CADM2: variants seen among roughly 807,000 people sequenced by gnomAD.
CADM2 encodes cell adhesion molecule 2.
In CADM2, 12 loss-of-function variants were observed where a neutral mutation model predicts 49.8. The ratio of observed to expected loss-of-function variants is 0.24; its 90% CI spans 0.15 to 0.39. The LOEUF (loss-of-function observed/expected upper bound fraction) is 0.39, where lower values mean the gene tolerates loss of function less well. Ranked by LOEUF, CADM2 falls within the 10% of genes least tolerant of loss-of-function variation. The pLI is 1.00. For synonymous variants in CADM2, 214 were observed against 175.4 expected (o/e 1.22, Z -1.74); for missense variants, 378 against 492.3 (o/e 0.77, Z 2.20).
chr3:85,650,286 ATGT>A (rs1341124301), intron 1 of CADM2, among the ~76,000 whole-genome samples: 1 of 152,172 alleles, frequency 6.6e-6, no homozygotes. Context: ...TTTGTGACAA[ATGT>A]TGTGAGTAGA....
intron 1 of CADM2, among the ~76,000 whole-genome samples, chr3:85,010,587 C>A (rs2033938676): frequency 6.6e-6 from 1 of 152,042 alleles, no homozygotes; most frequent in South Asian, 2.1e-4. Flanking sequence ...CATTAAGTTT[C>A]CCTTTAAGAT....
At chr3:85,680,713 A>T (rs1016949690) in intron 1 of CADM2, among the ~76,000 whole-genome samples, 17 of 152,214 alleles carry the variant, frequency 1.1e-4, no homozygotes, top group Admixed American at 5.9e-4. Flanking sequence ...GAATTCAAAA[A>T]TATCTCTCTA....
intron 5 of CADM2, among the ~76,000 whole-genome samples, chr3:85,889,713 A>G (rs1280085515): frequency 3.3e-5 from 5 of 152,136 alleles, no homozygotes; most frequent in Non-Finnish European, 1.5e-5. Flanking sequence ...TATTATTATC[A>G]TTATCATTGT....
chr3:85,975,190 T>A (rs1281508884), intron 8 of CADM2, among the ~76,000 whole-genome samples: 1 of 151,466 alleles, frequency 6.6e-6, no homozygotes, highest in Non-Finnish European at 1.5e-5. Flanking sequence ...TCAATTTATT[T>A]TAGTGAGTAT....
chr3:85,294,637 A>G (rs1400143415), intron 1 of CADM2, among the ~76,000 whole-genome samples: 10 of 151,902 alleles, frequency 6.6e-5, no homozygotes, highest in South Asian at 4.2e-4. Flanking sequence ...ATAACGCTGC[A>G]TATCTACAAC....
At chr3:85,530,893 CACACACACACACACACACACAA>C in intron 1 of CADM2, among the ~76,000 whole-genome samples, 1 of 150,016 alleles carries the variant, frequency 6.7e-6, no homozygotes, top group African/African-American at 2.5e-5. Flanking sequence ...CACACACACA[CACACACACACACACACACACAA>C]AATTCATTAT....
At position 85,866,889 on chromosome 3, in the gene CADM2, T is replaced by C. The variant is rs576735995; in HGVS notation, c.239-16402T>C. On this transcript the variant is annotated intron_variant, in intron 3 of 9. Transcript: ENST00000383699. The stretch of plus-strand genomic sequence containing the variant: ...ACACACATGCACAAACGTGCATTCA[T>C]GCTATACAGATAGTATATTAAGAAG... Among the ~76,000 whole-genome samples, 19 of 152,160 alleles carry C rather than the reference T, an allele frequency of 1.2e-4. 1 individual carries two copies. Among genetic ancestry groups the C allele is most frequent in the Middle Eastern group, 6.8e-3 (2 of 294 alleles).
chr3:85,156,912 G>A (rs997440047), intron 1 of CADM2, among the ~76,000 whole-genome samples: 1 of 152,130 alleles, frequency 6.6e-6, no homozygotes, highest in African/African-American at 2.4e-5. Flanking sequence ...CCTGTTTGCA[G>A]ACGACATGAT....
chr3:85,329,392 G>C (rs201315101), intron 1 of CADM2, among the ~76,000 whole-genome samples: 7 of 146,156 alleles, frequency 4.8e-5, no homozygotes, highest in African/African-American at 7.5e-5. Flanking sequence ...CACACACACA[G>C]ACACACACAC....
chr3:85,130,326 T>G (rs2039182038), intron 1 of CADM2, among the ~76,000 whole-genome samples: 1 of 152,228 alleles, frequency 6.6e-6, no homozygotes, highest in South Asian at 2.1e-4. Context: ...TAAATGGCAT[T>G]ATTTTATCCA....
intron 3 of CADM2, among the ~76,000 whole-genome samples, chr3:85,810,519 C>T (rs921421842): frequency 1.4e-5 from 2 of 145,712 alleles, no homozygotes; most frequent in African/African-American, 5.1e-5. Flanking sequence ...AAAGTATATG[C>T]TCATAGAATT....
chr3:85,025,802 T>A (rs2034697185), intron 1 of CADM2, among the ~76,000 whole-genome samples: 1 of 151,884 alleles, frequency 6.6e-6, no homozygotes, highest in Non-Finnish European at 1.5e-5. Context: ...ATGTTTTCGC[T>A]ATATCATGTT....
intron 1 of CADM2, among the ~76,000 whole-genome samples, chr3:85,657,333 T>C (rs1020301995): frequency 1.3e-5 from 2 of 152,152 alleles, no homozygotes; most frequent in African/African-American, 4.8e-5. Context: ...AGAGAAATTC[T>C]AAGGATTAAA....
chr3:85,223,522 AT>A (rs1238675092), intron 1 of CADM2, among the ~76,000 whole-genome samples: 1 of 152,182 alleles, frequency 6.6e-6, no homozygotes, highest in Non-Finnish European at 1.5e-5. Context: ...GGAGTAGGAC[AT>A]TACAATGGGG....
At chr3:85,447,588 AGCACACGTTGTGGCTACAAAAAATTGCCT>A (rs1177370154) in intron 1 of CADM2, among the ~76,000 whole-genome samples, 1 of 152,190 alleles carries the variant, frequency 6.6e-6, no homozygotes, top group African/African-American at 2.4e-5. Flanking sequence ...TTCTATCTAC[AGCACACGTTGTGGCTACAAAAAATTGCCT>A]AAGCATTTAC....
intron 1 of CADM2, among the ~76,000 whole-genome samples, chr3:85,207,256 G>T (rs2041668928): frequency 1.3e-5 from 2 of 152,034 alleles, no homozygotes; most frequent in African/African-American, 4.8e-5. Context: ...CAAAGATATT[G>T]ATCTAAGCTG....
chr3:85,564,932 G>A (rs776290568), intron 1 of CADM2, among the ~76,000 whole-genome samples: 2 of 152,044 alleles, frequency 1.3e-5, no homozygotes, highest in Non-Finnish European at 2.9e-5. Context: ...AAAAACTTCA[G>A]CATTTTATAA....
intron 1 of CADM2, among the ~76,000 whole-genome samples, chr3:85,078,728 G>A (rs982530126): frequency 6.6e-6 from 1 of 151,044 alleles, no homozygotes; most frequent in Non-Finnish European, 1.5e-5. Context: ...AATCTATTAG[G>A]GGAAAATATA....
chr3:85,615,327 A>G (rs1429195083), intron 1 of CADM2, among the ~76,000 whole-genome samples: 1 of 151,972 alleles, frequency 6.6e-6, no homozygotes, highest in Non-Finnish European at 1.5e-5. Context: ...AAATTTTGCT[A>G]TGTTTCAGTG....
Sources: allele counts gnomAD v4.1 joint callset (sites outside exome capture counted in the v4.1 genomes callset), GRCh38; gene constraint gnomAD v4.1.1; transcripts MANE v1.5; gene names NCBI Gene and HGNC (gene_info 2026-07-23, HGNC 2026-07-21).